Variants in MUC12 observed in about 807,000 individuals in gnomAD.
MUC12 encodes mucin-12.
Under a neutral mutation model 230.8 loss-of-function variants are expected in MUC12, and 172 were observed. The ratio of observed to expected loss-of-function variants is 0.75; its 90% CI spans 0.66 to 0.85. The LOEUF (loss-of-function observed/expected upper bound fraction) is 0.85. Among genes scored for constraint, MUC12 ranks in the 40% least tolerant of loss-of-function variants. The pLI, the probability that MUC12 is intolerant of heterozygous loss-of-function variation, is 0.00. For synonymous variants in MUC12, 1,259 were observed against 2,401.9 expected (o/e 0.52, Z 13.91); for missense variants, 3,506 against 5,920.6 (o/e 0.59, Z 13.38).
chr7:101,005,771 TC>T (rs1249508061), intron 2 of MUC12, among the ~76,000 whole-genome samples: 7 of 150,324 alleles, frequency 4.7e-5, no homozygotes, highest in Non-Finnish European at 5.9e-5. Flanking sequence ...TATTTATTTT[TC>T]ATCCTTCCAT....
At position 101,005,152 on chromosome 7, in the gene MUC12, A is replaced by G. The variant is rs747887009; in HGVS notation, c.14589A>G (p.Thr4863=). The G allele has an allele frequency of 3.3e-6, 5 of 1,537,900 alleles. No individual in the cohort carries two copies. In the South Asian group the frequency reaches 5.9e-5, roughly 18 times the overall value. Residue 4863 remains threonine, a synonymous_variant, in exon 2 of 12, where the codon ACA becomes ACG. Coordinates refer to ENST00000536621, the MANE Select transcript of MUC12 (RefSeq NM_001164462.2). ...GCAGCCCAGGCTCAACTGAAACCAC[A>G]GCGTTTTCTCACAGCAACACAATGT... ...FYSSPGSTET[T]AFSHSNTMSI... is the part of the protein sequence containing the mutation.
Position 100,992,027 on chromosome 7 carries a change from C to G in MUC12, c.1464C>G (p.Gly488=). 6.5e-7 allele frequency: 1 copy of G among 1,537,986 alleles called. No homozygotes were observed. The highest frequency in any genetic ancestry group is 8.7e-7 in the Non-Finnish European group (1 of 1,147,076). Residue 488 remains glycine (G), a synonymous_variant, in exon 2 of 12, where the codon GGC becomes GGG. Transcript: ENST00000536621. ...TACCCGGCAGTACCACAAAACCAGG[C>G]CTCAGTGAGAAATCTACCACTTTCT... ...TALPGSTTKP[G]LSEKSTTFYS... is the part of the protein sequence containing the mutation.
Position 100,990,778 on chromosome 7 carries a change from C to A in MUC12, c.215C>A (p.Ser72Tyr). 1.3e-6 allele frequency: 2 copies of A among 1,537,840 alleles called. No individual in the cohort carries two copies. Among genetic ancestry groups the A allele is most frequent in the Non-Finnish European group, 1.7e-6 (2 of 1,147,042 alleles). The change falls in exon 2 of 12, where the codon TCC becomes TAC. Residue 72 changes from serine (S) to tyrosine (Y), a missense_variant. Physicochemically the swap from Ser to Tyr is moderately radical, Grantham distance 144. Transcript: ENST00000536621. The stretch of plus-strand genomic sequence containing the variant: ...GCAACAAAACACTTCCTTGACAGCT[C>A]CACAAACTCAGGCCACAGTGAGGAA... ...STATKHFLDS[S>Y]TNSGHSEEST...
Position 101,006,482 on chromosome 7 carries a change from G to C in MUC12, c.14968G>C (p.Glu4990Gln). The C allele has an allele frequency of 6.5e-7, 1 of 1,537,150 alleles. No individual in the cohort carries two copies. The highest frequency in any genetic ancestry group is 1.2e-5 in the South Asian group (1 of 84,054). Residue 4990 changes from glutamate (E) to glutamine (Q), a missense_variant, in exon 3 of 12, where the codon GAA (glutamate) becomes CAA (glutamine). Glu to Gln is a conservative substitution (Grantham distance 29). Coordinates refer to ENST00000536621, the MANE Select transcript of MUC12 (RefSeq NM_001164462.2). ...LETLAPGLCQ[E>Q]GQIWNGKQCV... Reference sequence around the variant, plus strand: ...CTATCTCTCCACAGGGTTGTGCCAGGAAGGACAAATTTGGAATGGAAAACA... The same window carrying C: ...CTATCTCTCCACAGGGTTGTGCCAGCAAGGACAAATTTGGAATGGAAAACA...
intron 1 of MUC12, among the ~76,000 whole-genome samples, chr7:100,970,476 A>G (rs954731027): frequency 4.0e-5 from 6 of 150,694 alleles, no homozygotes; most frequent in African/African-American, 1.5e-4. Context: ...GATAAGAGCA[A>G]AACACTGCCA....
chr7:100,980,075 G>A (rs1007291179), intron 1 of MUC12, among the ~76,000 whole-genome samples: 3 of 150,686 alleles, frequency 2.0e-5, no homozygotes, highest in East Asian at 2.0e-4. Context: ...GATGAGTCTC[G>A]CTCTGTTGCC....
chr7:101,008,901 G>GACT, intron 4 of MUC12, 140 bp downstream of exon 4: 1 of 1,299,334 alleles, frequency 7.7e-7, no homozygotes, highest in Non-Finnish European at 1.0e-6. Context: ...TTGAAAGGAG[G>GACT]TCCTTTGAGA....
chr7:101,018,918 A>C lies in MUC12; in HGVS notation c.*282A>C. The C allele has an allele frequency of 3.2e-5, 13 of 402,992 alleles. No homozygotes were observed. Among genetic ancestry groups the C allele is most frequent in the Admixed American group, 4.2e-5 (1 of 23,722 alleles). The allele number at this position is 402,992 out of a possible 1,614,324, so 25.0% of individuals were successfully genotyped here. On this transcript the variant is annotated 3_prime_UTR_variant, in exon 12 of 12. Transcript: ENST00000536621. ...CACTCTGGAATTTCCCTACCAATAAAAGCAAATCTGAAAGCTCAGAATGAG... is the reference window on the plus strand; with the variant it reads ...CACTCTGGAATTTCCCTACCAATAACAGCAAATCTGAAAGCTCAGAATGAG...
At chr7:100,981,476 C>A in intron 1 of MUC12, 1 of 516,254 alleles carries the variant, frequency 1.9e-6, no homozygotes, top group Non-Finnish European at 3.5e-6. Context: ...CAGGCAAGGG[C>A]TGCAGGAGCC....
At chr7:101,008,212 G>A (rs888788791) in intron 3 of MUC12, among the ~76,000 whole-genome samples, 3 of 151,592 alleles carry the variant, frequency 2.0e-5, no homozygotes, top group Non-Finnish European at 1.5e-5. Flanking sequence ...CCACAGCCTC[G>A]AACTCCTGGG....
chr7:100,977,683 A>C (rs886373276), intron 1 of MUC12, among the ~76,000 whole-genome samples: 2 of 148,508 alleles, frequency 1.3e-5, no homozygotes, highest in Non-Finnish European at 3.0e-5. Flanking sequence ...CTTTTTAAAA[A>C]AATGTTTATC....
At chr7:100,969,713 C>T (rs1179401019) in intron 1 of MUC12, 24 bp downstream of exon 1, 4 of 1,537,292 alleles carry the variant, frequency 2.6e-6, no homozygotes, top group Admixed American at 2.0e-5. Context: ...GGCTGATGCT[C>T]CAGGTCCAGT....
Position 101,006,559 on chromosome 7 carries a change from A to G in MUC12, c.15045A>G (p.Glu5015=). 6.5e-7 allele frequency: 1 copy of G among 1,536,638 alleles called. No homozygotes were observed. Among genetic ancestry groups the G allele is most frequent in the Non-Finnish European group, 8.7e-7 (1 of 1,146,378 alleles). The stretch of plus-strand genomic sequence containing the variant: ...GTTACCAGTGCTTGTCCCCTCTGGA[A>G]TCCTTCCCTGTAGGTAATGACCTTT... ...YVGYQCLSPL[E]SFPVETPEKL... The change falls in exon 3 of 12, where the codon GAA becomes GAG. Residue 5015 remains glutamate, a synonymous_variant. Coordinates refer to ENST00000536621, the MANE Select transcript of MUC12 (RefSeq NM_001164462.2).
At position 101,018,591 on chromosome 7, in the gene MUC12, C is replaced by T. The variant is rs1439486806; in HGVS notation, c.15967-4C>T. On this transcript the variant is annotated splice_region_variant and splice_polypyrimidine_tract_variant and intron_variant, in intron 11 of 11. Coordinates refer to ENST00000536621, the MANE Select transcript of MUC12 (RefSeq NM_001164462.2). ...GGCCTCACCTCTTCTCTCCCGTCCC[C>T]CAGCTCCACATCCAGAGGCCGGAGA... 1.3e-6 allele frequency: 2 copies of T among 1,536,102 alleles called. No homozygotes were observed. The highest frequency in any genetic ancestry group is 1.7e-6 in the Non-Finnish European group (2 of 1,146,344).
At chr7:101,008,860 T>G in intron 4 of MUC12, 99 bp downstream of exon 4, 2 of 1,420,716 alleles carry the variant, frequency 1.4e-6, no homozygotes, top group Non-Finnish European at 9.3e-7. Context: ...CTTCTGCTCA[T>G]GAGCCCCCTC....
rs4729634 is a variant in MUC12 at position 100,995,606 on chromosome 7, A to C, written c.5043A>C (p.Thr1681=). The C allele has an allele frequency of 0.069, 105,366 of 1,534,300 alleles. 5,112 individuals carry two copies. The highest frequency in any genetic ancestry group is 0.19 in the South Asian group (16,005 of 84,022). ...CACTGTCCCCTGCCGGCTCTACAAC[A>C]CGTCAGGGAGAATCTACCACCTTCC... ...HTTLSPAGST[T]RQGESTTFQS... Residue 1681 remains threonine, a synonymous_variant, in exon 2 of 12, where the codon ACA becomes ACC. Coordinates refer to ENST00000536621, the MANE Select transcript of MUC12 (RefSeq NM_001164462.2).
intron 1 of MUC12, among the ~76,000 whole-genome samples, chr7:100,988,133 A>G (rs955755712): frequency 6.6e-6 from 1 of 151,500 alleles, no homozygotes; most frequent in Non-Finnish European, 1.5e-5. Flanking sequence ...AACTGTCTCT[A>G]CTAAAAATAC....
In MUC12 at chr7:101,005,125, C is replaced by T. The variant is rs758370203; in HGVS notation, c.14562C>T (p.Tyr4854=). The change falls in exon 2 of 12, where the codon TAC becomes TAT. Residue 4854 remains tyrosine (Y), a synonymous_variant. Transcript: ENST00000536621. ...TTAGTGAGGAATCTACCACCTTCTA[C>T]AGCAGCCCAGGCTCAACTGAAACCA... is the stretch of plus-strand genomic sequence containing the variant. ...PGLSEESTTF[Y]SSPGSTETTA... 74 of 1,537,872 alleles carry T rather than the reference C, an allele frequency of 4.8e-5. No homozygotes were observed. Among genetic ancestry groups the T allele is most frequent in the Non-Finnish European group, 5.1e-5 (58 of 1,147,094 alleles).
Position 101,014,089 on chromosome 7 carries a change from C to A in MUC12, c.15800+15C>A. The A allele has an allele frequency of 2.0e-6, 3 of 1,521,546 alleles. No individual in the cohort carries two copies. Among genetic ancestry groups the A allele is most frequent in the Non-Finnish European group, 2.6e-6 (3 of 1,137,950 alleles). The allele number at this position is 1,521,546 out of a possible 1,614,324, so 94.3% of individuals were successfully genotyped here. On this transcript the variant is annotated intron_variant, in intron 9 of 11. Transcript: ENST00000536621. ...AAACGGCACAGGTGAGCTTGTGAGGCCAGCACCGCAGGCCCACACAGAGGG... is the reference window on the plus strand; with the variant it reads ...AAACGGCACAGGTGAGCTTGTGAGGACAGCACCGCAGGCCCACACAGAGGG...
Sources: allele counts gnomAD v4.1 joint callset (sites outside exome capture counted in the v4.1 genomes callset), GRCh38; gene constraint gnomAD v4.1.1; transcripts MANE v1.5; gene names NCBI Gene and HGNC (gene_info 2026-07-23, HGNC 2026-07-21).